Variants in ACTR3 observed in about 807,000 individuals in gnomAD.
ACTR3 encodes the protein actin-related protein 3.
Under a neutral mutation model 56.8 loss-of-function variants are expected in ACTR3, and 12 were observed. That is an observed-to-expected ratio of 0.21 (90% CI 0.14 to 0.34). The LOEUF (loss-of-function observed/expected upper bound fraction) is 0.34. Among genes scored for constraint, ACTR3 ranks in the 10% least tolerant of loss-of-function variants. The probability of loss-of-function intolerance (pLI) is 1.00; values close to 1 mark genes in which losing one functional copy is unlikely to be tolerated. For missense variants in ACTR3, 282 were observed against 512.5 expected, an observed-to-expected ratio of 0.55 and a Z score of 4.34; for synonymous variants, 162 against 167.4, an observed-to-expected ratio of 0.97 and a Z score of 0.25.
chr2:113,896,367 C>G (rs1449368329), intron 1 of ACTR3, among the ~76,000 whole-genome samples: 1 of 152,128 alleles, frequency 6.6e-6, no homozygotes, highest in South Asian at 2.1e-4. Flanking sequence ...ACACACAGTT[C>G]TCTGCACAGT....
chr2:113,929,379 G>A (rs977771510), intron 4 of ACTR3, among the ~76,000 whole-genome samples: 3 of 151,774 alleles, frequency 2.0e-5, no homozygotes, highest in African/African-American at 7.3e-5. Flanking sequence ...GGCTCCAAGT[G>A]ATCCTCCCGC....
At chr2:113,901,338 A>G (rs1235520655) in intron 1 of ACTR3, among the ~76,000 whole-genome samples, 2 of 152,246 alleles carry the variant, frequency 1.3e-5, no homozygotes, top group Non-Finnish European at 2.9e-5. Flanking sequence ...AGCCTGGGCA[A>G]TAAGAGCGAA....
At chr2:113,934,539 A>G (rs1483978454) in intron 6 of ACTR3, 153 bp downstream of exon 6, 1 of 454,516 alleles carries the variant, frequency 2.2e-6, no homozygotes, top group Non-Finnish European at 3.8e-6. Flanking sequence ...TCACCGTTTA[A>G]AACTTTTATA....
intron 1 of ACTR3, among the ~76,000 whole-genome samples, chr2:113,892,468 T>A (rs140688256): frequency 3.3e-5 from 5 of 152,338 alleles, no homozygotes; most frequent in Non-Finnish European, 4.4e-5. Context: ...ATTCCCCCTT[T>A]AGAGTTTCAG....
At chr2:113,946,101 A>G (rs917854137) in intron 8 of ACTR3, among the ~76,000 whole-genome samples, 4 of 152,214 alleles carry the variant, frequency 2.6e-5, no homozygotes, top group Admixed American at 6.5e-5. Flanking sequence ...TGCAGTGAAC[A>G]TACATATGCA....
chr2:113,931,477 T>C, intron 5 of ACTR3, 81 bp downstream of exon 5: 2 of 890,696 alleles, frequency 2.2e-6, no homozygotes, highest in Non-Finnish European at 3.3e-6. Flanking sequence ...GTACTTTTTT[T>C]TTTTTTCTGC....
intron 1 of ACTR3, among the ~76,000 whole-genome samples, chr2:113,912,908 G>T (rs1679334092): frequency 6.7e-6 from 1 of 149,452 alleles, no homozygotes; most frequent in Non-Finnish European, 1.5e-5. Flanking sequence ...AAGCAAGATT[G>T]TAGCTAATGA....
intron 4 of ACTR3, among the ~76,000 whole-genome samples, chr2:113,930,504 A>C (rs975984286): frequency 1.3e-5 from 2 of 152,028 alleles, no homozygotes; most frequent in African/African-American, 4.8e-5. Context: ...AAATTTAAAA[A>C]TTTTTCTTTT....
Position 113,916,876 on chromosome 2 carries a change from T to C in ACTR3, c.101-8T>C, listed in dbSNP as rs918841088. 1.9e-6 allele frequency: 3 copies of C among 1,591,102 alleles called. No homozygotes were observed. The highest frequency in any genetic ancestry group is 2.6e-6 in the Non-Finnish European group (3 of 1,169,584). Reference sequence around the variant, plus strand: ...TGAATTCTTTGACATGTCTAACTTATTTTAAAGGTATTGCTATTAAGGAGT... The same window carrying C: ...TGAATTCTTTGACATGTCTAACTTACTTTAAAGGTATTGCTATTAAGGAGT... On this transcript the variant is annotated splice_polypyrimidine_tract_variant and splice_region_variant and intron_variant, in intron 2 of 11. Coordinates refer to ENST00000263238, the MANE Select transcript of ACTR3 (RefSeq NM_005721.5).
chr2:113,954,195 TTGAAGTTGTGTC>T (rs1680169472), intron 10 of ACTR3: 1 of 152,222 alleles, frequency 6.6e-6, no homozygotes, highest in South Asian at 2.1e-4. Context: ...GAGCTTTTGG[TTGAAGTTGTGTC>T]TGCCAGGTTT....
At chr2:113,928,961 C>T (rs965023180) in intron 4 of ACTR3, among the ~76,000 whole-genome samples, 3 of 152,094 alleles carry the variant, frequency 2.0e-5, no homozygotes, top group Non-Finnish European at 2.9e-5. Context: ...ATAATGGAAT[C>T]ATGCAATATG....
intron 8 of ACTR3, among the ~76,000 whole-genome samples, chr2:113,943,784 C>T (rs1213380884): frequency 1.3e-5 from 2 of 152,150 alleles, no homozygotes; most frequent in South Asian, 4.2e-4. Context: ...GTGAAATAGA[C>T]AAAGATGAGT....
At chr2:113,938,065 T>A (rs1679859930) in intron 6 of ACTR3, among the ~76,000 whole-genome samples, 1 of 152,118 alleles carries the variant, frequency 6.6e-6, no homozygotes, top group Non-Finnish European at 1.5e-5. Flanking sequence ...TAGTTTTTAT[T>A]GCTCTGTCTT....
chr2:113,931,840 T>G (rs1679728715), intron 5 of ACTR3, among the ~76,000 whole-genome samples: 1 of 152,128 alleles, frequency 6.6e-6, no homozygotes, highest in Non-Finnish European at 1.5e-5. Context: ...TGTACGTTTA[T>G]CTGTATGGAA....
intron 3 of ACTR3, among the ~76,000 whole-genome samples, chr2:113,926,779 G>A (rs137942947): frequency 6.6e-6 from 1 of 152,230 alleles, no homozygotes; most frequent in Non-Finnish European, 1.5e-5. Flanking sequence ...CATGAGTTTT[G>A]GTGGGAACAC....
chr2:113,898,698 C>T (rs555137435), intron 1 of ACTR3, among the ~76,000 whole-genome samples: 1 of 152,242 alleles, frequency 6.6e-6, no homozygotes, highest in Non-Finnish European at 1.5e-5. Flanking sequence ...AGATGACTTT[C>T]ATAAAATGAA....
At chr2:113,927,520 C>T in intron 4 of ACTR3, 65 bp downstream of exon 4, 1 of 1,032,934 alleles carries the variant, frequency 9.7e-7, no homozygotes, top group Non-Finnish European at 1.5e-6. Context: ...ACATTTTCAT[C>T]ATACTTCTTT....
At chr2:113,927,311 G>T in intron 3 of ACTR3, 34 bp from the exon 4 acceptor site, 1 of 1,369,526 alleles carries the variant, frequency 7.3e-7, no homozygotes, top group Non-Finnish European at 1.0e-6. Flanking sequence ...ATATTAATAA[G>T]ATTTAATTTG....
chr2:113,921,337 G>C lies in ACTR3; in HGVS notation c.225+4329G>C, dbSNP rs1428847152. On this transcript the variant is annotated intron_variant, in intron 3 of 11. Transcript: ENST00000263238. The stretch of plus-strand genomic sequence containing the variant: ...ATCAGTGTTTTTTTTTTTTTTTCTT[G>C]CTGTTGAATTGAATTCCTTATATAT... Among the ~76,000 whole-genome samples the C allele has an allele frequency of 3.3e-5, 4 of 121,662 alleles. No homozygotes were observed. The East Asian group carries it at 9.5e-4, about 29-fold the overall frequency. The allele number at this position is 121,662 out of a possible 152,430, so 79.8% of individuals were successfully genotyped here.
Sources: allele counts gnomAD v4.1 joint callset (sites outside exome capture counted in the v4.1 genomes callset), GRCh38; gene constraint gnomAD v4.1.1; transcripts MANE v1.5; gene names NCBI Gene and HGNC (gene_info 2026-07-23, HGNC 2026-07-21).